The following UPF3B variants were observed in gnomAD, a reference collection of about 807,000 sequenced individuals.
UPF3B encodes the protein UPF3B regulator of nonsense mediated mRNA decay.
UPF3B carries 7 observed loss-of-function variants against 40.3 expected under a neutral mutation model. The observed-to-expected ratio is 0.17, with a 90% CI of 0.10 to 0.33. The LOEUF (loss-of-function observed/expected upper bound fraction) is 0.33. Ranked by LOEUF, UPF3B falls within the 10% of genes least tolerant of loss-of-function variation. The pLI is 1.00. For missense variants in UPF3B, 229 were observed against 358.9 expected, an observed-to-expected ratio of 0.64 and a Z score of 2.93; for synonymous variants, 117 against 117.3, an observed-to-expected ratio of 1.00 and a Z score of 0.01.
At chrX:119,827,724 GT>G (rs199920050) in intron 3 of UPF3B, among the ~76,000 whole-genome samples, 6 of 109,164 alleles carry the variant, frequency 5.5e-5, no homozygotes, top group Admixed American at 9.8e-5. Flanking sequence ...ACACTCTTGG[GT>G]TTTTTTTCCT....
chrX:119,834,709 C>A lies in UPF3B; in HGVS notation c.*169G>T. ...TGAAATTGTACTTCCAATTCTGAAC[C>A]TCTGATCAGATTCCTGCTTTGACAC... On this transcript the variant is annotated 3_prime_UTR_variant, in exon 11 of 11. Transcript: ENST00000276201. 5.3e-6 allele frequency: 6 copies of A among 1,133,396 alleles called. No homozygotes were observed. Among genetic ancestry groups the A allele is most frequent in the Non-Finnish European group, 7.0e-6 (6 of 862,088 alleles). The allele number at this position is 1,133,396 out of a possible 1,213,427, so 93.4% of individuals were successfully genotyped here.
chrX:119,836,718 T>G (rs1433200176), intron 10 of UPF3B, among the ~76,000 whole-genome samples: 1 of 106,581 alleles, frequency 9.4e-6, no homozygotes, highest in Admixed American at 1.0e-4. Context: ...TGACGCGATC[T>G]CGGCTCACTG....
At chrX:119,815,649 C>G (rs1343738389) in intron 4 of UPF3B, among the ~76,000 whole-genome samples, 2 of 111,605 alleles carry the variant, frequency 1.8e-5, no homozygotes, top group African/African-American at 6.5e-5. Context: ...TTCCTAGTAG[C>G]TGGAATTGCA....
At chrX:119,828,225 A>C (rs751341332) in intron 3 of UPF3B, among the ~76,000 whole-genome samples, 1 of 107,879 alleles carries the variant, frequency 9.3e-6, no homozygotes, top group South Asian at 4.0e-4. Flanking sequence ...ATGCCTCGCT[A>C]AATTTTTTTT....
intron 4 of UPF3B, among the ~76,000 whole-genome samples, chrX:119,822,238 G>A (rs2055928211): frequency 8.9e-6 from 1 of 112,704 alleles, no homozygotes; most frequent in Non-Finnish European, 1.9e-5. Flanking sequence ...TTATAGACAA[G>A]GACATGCTTG....
intron 4 of UPF3B, among the ~76,000 whole-genome samples, chrX:119,843,786 C>A (rs1267266075): frequency 8.9e-6 from 1 of 112,200 alleles, no homozygotes; most frequent in Non-Finnish European, 1.9e-5. Context: ...AGATCTAAAT[C>A]TGTAATAAAA....
At position 119,815,245 on chromosome X, in the gene UPF3B, A is replaced by C. The variant is rs148923839; in HGVS notation, c.558T>G (p.Pro186=). 7,673 of 795,992 alleles carry C rather than the reference A, an allele frequency of 9.6e-3. 389 individuals are homozygous for C. In the African/African-American group the frequency reaches 0.15, roughly 16 times the overall value. The allele number at this position is 795,992 out of a possible 1,213,427, so 65.6% of individuals were successfully genotyped here. A position where few individuals can be genotyped will look rare whatever the true frequency, so the allele number is the denominator to read the frequency against. The change falls in exon 5 of 7, where the codon CCT becomes CCG. Residue 186 remains proline, a synonymous_variant. Coordinates refer to the UPF3B transcript ENST00000636792. ...AATCTCCAGACTTGGTTATGTCATCAGGGTGCGAGAGTCGACCTTGGCTTC... is the reference window on the plus strand; with the variant it reads ...AATCTCCAGACTTGGTTATGTCATCCGGGTGCGAGAGTCGACCTTGGCTTC...
At chrX:119,827,176 G>C (rs2147770791) in intron 3 of UPF3B, among the ~76,000 whole-genome samples, 1 of 110,707 alleles carries the variant, frequency 9.0e-6, no homozygotes, top group Non-Finnish European at 1.9e-5. Context: ...ACTTCTTTTT[G>C]TTTCCTAATC....
At chrX:119,843,154 G>T in intron 5 of UPF3B, 37 bp downstream of exon 5, 2 of 967,711 alleles carry the variant, frequency 2.1e-6, no homozygotes. Context: ...GTACTGTGAT[G>T]AAAAGACTGT....
chrX:119,836,835 A>G (rs1181171027), intron 10 of UPF3B, among the ~76,000 whole-genome samples: 1 of 108,035 alleles, frequency 9.3e-6, no homozygotes, highest in East Asian at 2.9e-4. Flanking sequence ...TATTTTTAGT[A>G]GAGATGGGGT....
chrX:119,814,990 C>T (rs146902570), intron 5 of UPF3B, among the ~76,000 whole-genome samples: 4,127 of 107,263 alleles, frequency 0.038, 204 homozygotes, highest in African/African-American at 0.13. Flanking sequence ...CTCAGCCTCC[C>T]GAGTACCTGG....
intron 3 of UPF3B, among the ~76,000 whole-genome samples, chrX:119,827,735 T>A (rs2055993323): frequency 9.1e-6 from 1 of 109,723 alleles, no homozygotes; most frequent in Admixed American, 9.7e-5. Flanking sequence ...TTTTTTTTCC[T>A]CTTCTTTATT....
intron 3 of UPF3B, among the ~76,000 whole-genome samples, chrX:119,845,638 C>T (rs930292451): frequency 9.0e-6 from 1 of 111,539 alleles, no homozygotes; most frequent in Admixed American, 9.5e-5. Context: ...AGAGACAGAA[C>T]GTAGAGTAGT....
chrX:119,811,718 A>G (rs1183148169), intron 5 of UPF3B, among the ~76,000 whole-genome samples: 2 of 110,736 alleles, frequency 1.8e-5, no homozygotes. Context: ...TTGCGAGGCT[A>G]AGGTGGGCGG....
Position 119,851,747 on chromosome X carries a change from C to CTTTTTTTT in UPF3B, c.263+19_263+20insAAAAAAAA. 1 of 415,634 alleles carries CTTTTTTTT rather than the reference C, an allele frequency of 2.4e-6. No individual in the cohort carries two copies. Among genetic ancestry groups the CTTTTTTTT allele is most frequent in the Non-Finnish European group, 3.2e-6 (1 of 307,929 alleles). The allele number at this position is 415,634 out of a possible 1,213,427, so 34.3% of individuals were successfully genotyped here. A position where few individuals can be genotyped will look rare whatever the true frequency, so the allele number is the denominator to read the frequency against. On this transcript the variant is annotated intron_variant, in intron 2 of 10. Coordinates refer to ENST00000276201, the MANE Select transcript of UPF3B (RefSeq NM_080632.3). ...AGAAACCTTTTTCATTTACCCCTTT[C>CTTTTTTTT]CTTTTTTTTTTTTTTTTACCTCGTA...
At chrX:119,849,250 T>G (rs1175046157) in intron 3 of UPF3B, among the ~76,000 whole-genome samples, 2 of 111,277 alleles carry the variant, frequency 1.8e-5, no homozygotes, top group Non-Finnish European at 3.8e-5. Flanking sequence ...TCCCAGCACT[T>G]TGGGAGGCTG....
chrX:119,824,019 A>G (rs1018503825), intron 3 of UPF3B, among the ~76,000 whole-genome samples: 5 of 111,347 alleles, frequency 4.5e-5, no homozygotes, highest in Non-Finnish European at 9.4e-5. Context: ...CCCACTGCCT[A>G]CAACACAAGA....
At chrX:119,827,892 C>T (rs1181439812) in intron 3 of UPF3B, among the ~76,000 whole-genome samples, 3 of 110,018 alleles carry the variant, frequency 2.7e-5, no homozygotes, top group Admixed American at 9.8e-5. Flanking sequence ...CCATCATGCT[C>T]GGCTAATTTT....
chrX:119,824,814 T>C (rs1213656239), intron 3 of UPF3B, among the ~76,000 whole-genome samples: 3 of 98,650 alleles, frequency 3.0e-5, no homozygotes, highest in African/African-American at 1.2e-4. Flanking sequence ...TCGCCCAGGC[T>C]GAAGTGCAAT....
Sources: gnomAD v4.1 joint callset for allele counts (sites outside exome capture counted in the v4.1 genomes callset) on GRCh38, gnomAD v4.1.1 for gene constraint, MANE v1.5 for transcripts, NCBI Gene and HGNC (gene_info 2026-07-23, HGNC 2026-07-21) for gene names.